The following ZRANB3 variants were observed in gnomAD, a reference collection of about 807,000 sequenced individuals.
ZRANB3 encodes the protein DNA annealing helicase and endonuclease ZRANB3.
In ZRANB3, 125 loss-of-function variants were observed where a neutral mutation model predicts 133.8. That is an observed-to-expected ratio of 0.93 (90% CI 0.81 to 1.08). ZRANB3 has a LOEUF of 1.08. Ranked by LOEUF, ZRANB3 falls within the 50% of genes least tolerant of loss-of-function variation. The probability of loss-of-function intolerance (pLI) is 0.00; values close to 1 mark genes in which losing one functional copy is unlikely to be tolerated. For missense variants in ZRANB3, 1,229 were observed against 1,275.5 expected, an observed-to-expected ratio of 0.96 and a Z score of 0.56; for synonymous variants, 387 against 432.7, an observed-to-expected ratio of 0.89 and a Z score of 1.31.
intron 3 of ZRANB3, among the ~76,000 whole-genome samples, chr2:135,390,127 C>T (rs1023277547): frequency 2.0e-5 from 3 of 152,078 alleles, no homozygotes; most frequent in Admixed American, 6.6e-5. Flanking sequence ...GATCCACCTG[C>T]CTCGGCCTCC....
chr2:135,504,246 G>C lies in ZRANB3; in HGVS notation c.161+83C>G. ...TACTAAAGAAAGACTGTGAATACAC[G>C]AAAAGAAAGTTTGAACAGAACTTTG... is the stretch of plus-strand genomic sequence containing the variant. On this transcript the variant is annotated intron_variant, in intron 2 of 20. Transcript: ENST00000264159. 1.3e-6 allele frequency: 2 copies of C among 1,536,668 alleles called. 1 individual carries two copies. The highest frequency in any genetic ancestry group is 1.8e-6 in the Non-Finnish European group (2 of 1,113,752).
In ZRANB3 at chr2:135,268,987, A is replaced by G; in HGVS notation, c.1361T>C (p.Leu454Pro). 1 of 1,606,164 alleles carries G rather than the reference A, an allele frequency of 6.2e-7. No homozygotes were observed. Among genetic ancestry groups the G allele is most frequent in the African/African-American group, 1.3e-5 (1 of 74,664 alleles). The change falls in exon 11 of 21, where the codon CTT (leucine) becomes CCT (proline). Residue 454 changes from leucine to proline, a missense_variant. Physicochemically the swap from Leu to Pro is moderately conservative, Grantham distance 98. Transcript: ENST00000264159. ...YLIANGTLDT[L>P]MWGMLNRKAQ... ...CTTGCGATTCAACATTCCCCACATA[A>G]GGGTGTCTAGGGTTCCATTTGCAAT...
At chr2:135,313,686 C>CT in intron 7 of ZRANB3, 81 bp from the exon 8 acceptor site, 2 of 814,218 alleles carry the variant, frequency 2.5e-6, no homozygotes, top group Non-Finnish European at 3.7e-6. Flanking sequence ...TCATGTCCTA[C>CT]TTTTTTTCCT....
At chr2:135,389,057 G>A (rs963826871) in intron 3 of ZRANB3, among the ~76,000 whole-genome samples, 1 of 152,156 alleles carries the variant, frequency 6.6e-6, no homozygotes, top group Non-Finnish European at 1.5e-5. Flanking sequence ...CAGTCTGGGC[G>A]ACAGAGCGAG....
At chr2:135,399,458 A>G (rs1687643730) in intron 2 of ZRANB3, among the ~76,000 whole-genome samples, 1 of 152,230 alleles carries the variant, frequency 6.6e-6, no homozygotes, top group African/African-American at 2.4e-5. Context: ...GTTTTAGAGT[A>G]AGACTGACTA....
chr2:135,380,148 C>A (rs1427564638), intron 3 of ZRANB3, among the ~76,000 whole-genome samples: 1 of 152,036 alleles, frequency 6.6e-6, no homozygotes, highest in Admixed American at 6.6e-5. Context: ...ATAGGAGCAC[C>A]CAGATTCACA....
intron 15 of ZRANB3, among the ~76,000 whole-genome samples, chr2:135,221,271 G>T (rs1694543938): frequency 6.6e-6 from 1 of 152,072 alleles, no homozygotes; most frequent in Non-Finnish European, 1.5e-5. Flanking sequence ...AAAATTATTT[G>T]GGTGATAACA....
At chr2:135,215,879 T>C (rs549998789) in intron 17 of ZRANB3, among the ~76,000 whole-genome samples, 1 of 152,268 alleles carries the variant, frequency 6.6e-6, no homozygotes, top group Admixed American at 6.5e-5. Flanking sequence ...CCTGGGCCTC[T>C]ACCCACTAGA....
chr2:135,432,356 T>A (rs1689359969), intron 2 of ZRANB3, among the ~76,000 whole-genome samples: 1 of 152,194 alleles, frequency 6.6e-6, no homozygotes, highest in Non-Finnish European at 1.5e-5. Flanking sequence ...CTCAAATATA[T>A]AAAACATTAC....
chr2:135,356,530 G>A (rs530216624), intron 3 of ZRANB3, among the ~76,000 whole-genome samples: 1 of 152,194 alleles, frequency 6.6e-6, no homozygotes, highest in East Asian at 1.9e-4. Flanking sequence ...CTGATATGCT[G>A]GGAAGTTTAT....
At chr2:135,340,554 G>GT (rs1314968945) in intron 6 of ZRANB3, among the ~76,000 whole-genome samples, 1 of 152,028 alleles carries the variant, frequency 6.6e-6, no homozygotes, top group Admixed American at 6.6e-5. Flanking sequence ...TCAGAAAAAA[G>GT]TAAAATCTTG....
intron 8 of ZRANB3, among the ~76,000 whole-genome samples, chr2:135,283,614 TAA>T (rs58462815): frequency 2.3e-4 from 28 of 123,648 alleles, no homozygotes; most frequent in East Asian, 1.9e-3. Context: ...AGACTCTGTC[TAA>T]AAAAAAAAAA....
intron 12 of ZRANB3, 158 bp from the exon 13 acceptor site, chr2:135,231,085 A>G (rs1043595620): frequency 1.5e-5 from 7 of 465,654 alleles, no homozygotes; most frequent in Non-Finnish European, 2.5e-5. Flanking sequence ...TCATATATAC[A>G]TATATAAATA....
chr2:135,316,986 ATAT>A (rs1558912153), intron 6 of ZRANB3, among the ~76,000 whole-genome samples: 3 of 140,736 alleles, frequency 2.1e-5, no homozygotes, highest in African/African-American at 8.4e-5. Context: ...AAAAAAAAAT[ATAT>A]ATATATATAT....
chr2:135,444,654 G>C (rs1689936255), intron 2 of ZRANB3, among the ~76,000 whole-genome samples: 1 of 152,204 alleles, frequency 6.6e-6, no homozygotes, highest in South Asian at 2.1e-4. Context: ...ACTAGGTCTG[G>C]AGGTGGGGAC....
At chr2:135,460,581 T>G (rs535104642) in intron 2 of ZRANB3, among the ~76,000 whole-genome samples, 1 of 152,078 alleles carries the variant, frequency 6.6e-6, no homozygotes, top group Non-Finnish European at 1.5e-5. Context: ...CGGCTAACTT[T>G]TGAACCTGAA....
intron 4 of ZRANB3, among the ~76,000 whole-genome samples, chr2:135,350,758 G>A (rs1001471064): frequency 4.6e-5 from 7 of 152,156 alleles, no homozygotes; most frequent in East Asian, 1.9e-4. Flanking sequence ...AGTGGAGTCC[G>A]AAGCTTTTGT....
chr2:135,209,010 C>T (rs376147360), intron 17 of ZRANB3, 32 bp from the exon 18 acceptor site: 1 of 1,588,102 alleles, frequency 6.3e-7, no homozygotes, highest in Non-Finnish European at 8.6e-7. Flanking sequence ...TAGATTCCCT[C>T]TATCTCATAT....
chr2:135,296,716 C>T (rs1682133502), intron 8 of ZRANB3, among the ~76,000 whole-genome samples: 1 of 152,016 alleles, frequency 6.6e-6, no homozygotes, highest in Non-Finnish European at 1.5e-5. Context: ...TTTTATCTAC[C>T]TTTGGTCTTT....
Sources: allele counts gnomAD v4.1 joint callset (sites outside exome capture counted in the v4.1 genomes callset), GRCh38; gene constraint gnomAD v4.1.1; transcripts MANE v1.5; gene names NCBI Gene and HGNC (gene_info 2026-07-23, HGNC 2026-07-21).